The following RHOA variants were observed in gnomAD, a reference collection of about 807,000 sequenced individuals.
The protein encoded by RHOA is transforming protein RhoA.
Under a neutral mutation model 17.5 loss-of-function variants are expected in RHOA, and 3 were observed. That is an observed-to-expected ratio of 0.17 (90% CI 0.08 to 0.44). The LOEUF is 0.44. Ranked by LOEUF, RHOA falls within the 20% of genes least tolerant of loss-of-function variation. The pLI is 0.99. For missense variants in RHOA, 56 were observed against 242.3 expected (o/e 0.23, Z 5.10); for synonymous variants, 98 against 88.4 (o/e 1.11, Z -0.61).
chr3:49,377,917 G>C (rs2048257658), intron 1 of RHOA, among the ~76,000 whole-genome samples: 1 of 152,054 alleles, frequency 6.6e-6, no homozygotes, highest in East Asian at 1.9e-4. Context: ...GGGAGGCTGA[G>C]GCAAGCAGAA....
chr3:49,407,667 G>T (rs539486470), intron 1 of RHOA, among the ~76,000 whole-genome samples: 87 of 151,924 alleles, frequency 5.7e-4, no homozygotes, highest in African/African-American at 2.0e-3. Flanking sequence ...CCTTTCTAAA[G>T]AATATCTAAA....
chr3:49,380,714 AAT>A lies in RHOA; in HGVS notation c.-2-5125_-2-5124del, dbSNP rs1559504516. Among the ~76,000 whole-genome samples, 13 of 115,638 alleles carry A rather than the reference AAT, an allele frequency of 1.1e-4. No individual in the cohort carries two copies. The Admixed American group carries it at 1.3e-3, about 12-fold the overall frequency. The allele number at this position is 115,638 out of a possible 152,430, so 75.9% of individuals were successfully genotyped here. A position where few individuals can be genotyped will look rare whatever the true frequency, so the allele number is the denominator to read the frequency against. ...TAATAATAATAATAATAATAATAAT[AAT>A]AATAAATACTCATTATCAAAACTAT... On this transcript the variant is annotated intron_variant, in intron 1 of 4. Transcript: ENST00000418115.
intron 2 of RHOA, among the ~76,000 whole-genome samples, chr3:49,372,645 A>G (rs2107844784): frequency 6.6e-6 from 1 of 150,646 alleles, no homozygotes; most frequent in Admixed American, 6.6e-5. Flanking sequence ...GAGGCAGGAG[A>G]ATGGCGTGAA....
At chr3:49,361,461 A>G (rs1286228171) in intron 4 of RHOA, among the ~76,000 whole-genome samples, 2 of 152,156 alleles carry the variant, frequency 1.3e-5, no homozygotes, top group African/African-American at 4.8e-5. Flanking sequence ...TTGGGAGTGG[A>G]GGAGAGGGAA....
At chr3:49,361,387 C>T (rs1348906047) in intron 4 of RHOA, among the ~76,000 whole-genome samples, 6 of 152,174 alleles carry the variant, frequency 3.9e-5, no homozygotes, top group Non-Finnish European at 8.8e-5. Context: ...GGAAGCCCTG[C>T]CATTAGGCCA....
At chr3:49,393,043 G>A (rs1375199076) in intron 1 of RHOA, among the ~76,000 whole-genome samples, 1 of 152,156 alleles carries the variant, frequency 6.6e-6, no homozygotes, top group Admixed American at 6.6e-5. Flanking sequence ...CAGGCATGGT[G>A]AGCGTGCCTG....
chr3:49,375,762 G>A (rs921580521), intron 1 of RHOA, among the ~76,000 whole-genome samples, 171 bp from the exon 2 acceptor site: 15 of 152,024 alleles, frequency 9.9e-5, no homozygotes, highest in African/African-American at 3.6e-4. Context: ...TTAAAAACTC[G>A]TAACTAACAT....
intron 1 of RHOA, among the ~76,000 whole-genome samples, chr3:49,389,457 T>C (rs1194709392): frequency 1.3e-5 from 2 of 152,110 alleles, no homozygotes; most frequent in African/African-American, 4.8e-5. Context: ...TCAGATTCCC[T>C]AGGCCCATCT....
At chr3:49,362,419 C>A in intron 4 of RHOA, 77 bp downstream of exon 4, 1 of 1,469,168 alleles carries the variant, frequency 6.8e-7, no homozygotes, top group Non-Finnish European at 9.1e-7. Context: ...GTGAAGGTTC[C>A]TGCTGGGCTC....
chr3:49,395,183 G>A (rs1025415123), intron 1 of RHOA, among the ~76,000 whole-genome samples: 11 of 151,684 alleles, frequency 7.3e-5, no homozygotes, highest in Non-Finnish European at 1.2e-4. Context: ...CCCGGGAGGC[G>A]GAGCTTGCAG....
intron 1 of RHOA, among the ~76,000 whole-genome samples, chr3:49,381,109 G>C (rs1281512950): frequency 6.6e-6 from 1 of 151,762 alleles, no homozygotes; most frequent in Non-Finnish European, 1.5e-5. Flanking sequence ...CTTCAAACAA[G>C]AGCATGCAGT....
intron 2 of RHOA, among the ~76,000 whole-genome samples, chr3:49,371,192 AGG>A (rs756444768): frequency 1.3e-5 from 2 of 152,084 alleles, no homozygotes; most frequent in Non-Finnish European, 2.9e-5. Context: ...TCATATCAAA[AGG>A]GGCCTTTTCA....
chr3:49,396,445 C>T (rs1022358056), intron 1 of RHOA, among the ~76,000 whole-genome samples: 2 of 151,806 alleles, frequency 1.3e-5, no homozygotes, highest in Non-Finnish European at 2.9e-5. Context: ...CGCGGTGGCT[C>T]GCACCTGTAA....
At chr3:49,370,139 TG>T (rs913164740) in intron 2 of RHOA, among the ~76,000 whole-genome samples, 3 of 151,094 alleles carry the variant, frequency 2.0e-5, no homozygotes, top group African/African-American at 7.3e-5. Context: ...CCCAGCTACT[TG>T]GGAGACTGAG....
intron 1 of RHOA, among the ~76,000 whole-genome samples, chr3:49,389,855 T>C (rs1156635973): frequency 6.9e-6 from 1 of 144,664 alleles, no homozygotes; most frequent in Non-Finnish European, 1.5e-5. Flanking sequence ...AAAAATGGCA[T>C]GAACCCAGGA....
At chr3:49,407,286 T>A (rs1294473374) in intron 1 of RHOA, among the ~76,000 whole-genome samples, 1 of 123,108 alleles carries the variant, frequency 8.1e-6, no homozygotes, top group Admixed American at 1.1e-4. Flanking sequence ...CAGGCTGGAG[T>A]GCAATGGCTC....
At chr3:49,391,389 CAAA>C (rs71627384) in intron 1 of RHOA, among the ~76,000 whole-genome samples, 18 of 123,084 alleles carry the variant, frequency 1.5e-4, no homozygotes, top group Non-Finnish European at 1.7e-4. Flanking sequence ...GAGAATCCGT[CAAA>C]AAAAAAAAAA....
intron 1 of RHOA, among the ~76,000 whole-genome samples, chr3:49,401,041 C>CAAGAAAAAA (rs2048715790): frequency 1.5e-5 from 1 of 67,584 alleles, no homozygotes; most frequent in Non-Finnish European, 2.6e-5. Flanking sequence ...GACTCCGTCT[C>CAAGAAAAAA]AAAAAAAAAA....
chr3:49,369,672 T>A (rs1575648531), intron 2 of RHOA, among the ~76,000 whole-genome samples: 1 of 151,624 alleles, frequency 6.6e-6, no homozygotes, highest in African/African-American at 2.4e-5. Flanking sequence ...GAGGCAAAGG[T>A]TGCAGTGAGC....
Sources: allele counts gnomAD v4.1 joint callset (sites outside exome capture counted in the v4.1 genomes callset), GRCh38; gene constraint gnomAD v4.1.1; transcripts MANE v1.5; gene names NCBI Gene and HGNC (gene_info 2026-07-23, HGNC 2026-07-21).